Variants in S100B observed in about 807,000 individuals in gnomAD.
S100B encodes the protein S100 calcium binding protein B.
A neutral mutation model predicts 7.7 loss-of-function variants in S100B; 6 were observed. That is an observed-to-expected ratio of 0.78 (90% CI 0.43 to 1.54). The LOEUF (loss-of-function observed/expected upper bound fraction) is 1.54. S100B is among the 40% of genes most tolerant of loss of function. S100B has a pLI of 0.01. For missense variants in S100B, 99 were observed against 111.8 expected, an observed-to-expected ratio of 0.89 and a Z score of 0.52; for synonymous variants, 36 against 40.4, an observed-to-expected ratio of 0.89 and a Z score of 0.41.
rs1349794639 is a variant in S100B at position 46,602,380 on chromosome 21, G to A, written c.36C>T (p.Ile12=). 2.5e-5 allele frequency: 41 copies of A among 1,613,988 alleles called. No homozygotes were observed. The highest frequency in any genetic ancestry group is 1.6e-4 in the Middle Eastern group (1 of 6,082). ...TTCCAGAATATTGGTGGAAAACGTC[G>A]ATGAGGGCCACCATGGCCTTCTCCA... ...SELEKAMVAL[I]DVFHQYSGRE... is the part of the protein sequence containing the mutation. The change falls in exon 2 of 3, where the codon ATC becomes ATT. Residue 12 remains isoleucine, a synonymous_variant. Transcript: ENST00000291700.
chr21:46,601,227 C>A (rs996280954), intron 2 of S100B, among the ~76,000 whole-genome samples: 1 of 152,212 alleles, frequency 6.6e-6, no homozygotes, highest in Non-Finnish European at 1.5e-5. Context: ...CGTCCCCATG[C>A]AGCAGAGCCC....
chr21:46,601,982 G>A (rs2061042489), intron 2 of S100B, among the ~76,000 whole-genome samples: 1 of 152,134 alleles, frequency 6.6e-6, no homozygotes, highest in African/African-American at 2.4e-5. Flanking sequence ...TTCCTTTTAT[G>A]TTCCCTTTGG....
intron 2 of S100B, among the ~76,000 whole-genome samples, chr21:46,600,103 C>T (rs1053931526): frequency 6.6e-6 from 1 of 152,186 alleles, no homozygotes; most frequent in African/African-American, 2.4e-5. Flanking sequence ...AGAGGAACAA[C>T]CACAGTGCAG....
Position 46,598,661 on chromosome 21 carries a change from G to A in S100B, c.*702C>T, listed in dbSNP as rs1423422619. Among the ~76,000 whole-genome samples the A allele has an allele frequency of 6.6e-6, 1 of 152,224 alleles. No homozygotes were observed. The highest frequency in any genetic ancestry group is 1.9e-4 in the East Asian group (1 of 5,180). Reference sequence around the variant, plus strand: ...CCCTCGCGGTGGCTCAGAGCCCCCGGTAGTGCCCTCGGAAGCCGCATGTGC... The same window carrying A: ...CCCTCGCGGTGGCTCAGAGCCCCCGATAGTGCCCTCGGAAGCCGCATGTGC... On this transcript the variant is annotated 3_prime_UTR_variant, in exon 3 of 3. Coordinates refer to ENST00000291700, the MANE Select transcript of S100B (RefSeq NM_006272.3).
At chr21:46,603,398 T>TGGGGGGAGGGGGGGGGGGGG in intron 1 of S100B, among the ~76,000 whole-genome samples, 1 of 52,068 alleles carries the variant, frequency 1.9e-5, no homozygotes, top group Non-Finnish European at 3.8e-5. Context: ...CGGGAGGGGG[T>TGGGGGGAGGGGGGGGGGGGG]GGGGGCAGGA....
chr21:46,602,143 A>C (rs2061042882), intron 2 of S100B, 135 bp downstream of exon 2: 1 of 779,824 alleles, frequency 1.3e-6, no homozygotes, highest in Non-Finnish European at 2.0e-6. Context: ...TACTCAAACA[A>C]GTTTGCAGAA....
Position 46,599,282 on chromosome 21 carries a change from C to T in S100B, c.*81G>A. 1 of 1,294,646 alleles carries T rather than the reference C, an allele frequency of 7.7e-7. No individual in the cohort carries two copies. The highest frequency in any genetic ancestry group is 1.1e-6 in the Non-Finnish European group (1 of 916,674). The allele number at this position is 1,294,646 out of a possible 1,614,324, so 80.2% of individuals were successfully genotyped here. On this transcript the variant is annotated 3_prime_UTR_variant, in exon 3 of 3. Coordinates refer to ENST00000291700, the MANE Select transcript of S100B (RefSeq NM_006272.3). ...TACAACACGGCTGGAAAGCTCAGCT[C>T]CTACTAGGCTGCAAGCCCTTGCTGT... is the stretch of plus-strand genomic sequence containing the variant.
At chr21:46,603,398 T>TGGGGGGAGGGGGGGGCGGGGGGGGGGTGG in intron 1 of S100B, among the ~76,000 whole-genome samples, 1 of 52,070 alleles carries the variant, frequency 1.9e-5, no homozygotes, top group Admixed American at 2.2e-4. Context: ...CGGGAGGGGG[T>TGGGGGGAGGGGGGGGCGGGGGGGGGGTGG]GGGGGCAGGA....
chr21:46,599,944 C>T (rs1039468983), intron 2 of S100B, among the ~76,000 whole-genome samples: 7 of 152,184 alleles, frequency 4.6e-5, no homozygotes, highest in Middle Eastern at 3.2e-3. Flanking sequence ...GCTGAAGTAA[C>T]TCTTGGGAAC....
chr21:46,603,770 AT>A (rs958507106), intron 1 of S100B, among the ~76,000 whole-genome samples: 1 of 152,166 alleles, frequency 6.6e-6, no homozygotes, highest in Non-Finnish European at 1.5e-5. Flanking sequence ...AGGATTGAAG[AT>A]TTTTTTATAC....
At chr21:46,604,113 A>G (rs2061050803) in intron 1 of S100B, among the ~76,000 whole-genome samples, 1 of 152,244 alleles carries the variant, frequency 6.6e-6, no homozygotes, top group Non-Finnish European at 1.5e-5. Context: ...TAAAACATGT[A>G]TCCCATATAT....
chr21:46,602,300 T>C lies in S100B; in HGVS notation c.116A>G (p.Asn39Ser). 1.2e-6 allele frequency: 2 copies of C among 1,613,512 alleles called. No homozygotes were observed. Among genetic ancestry groups the C allele is most frequent in the Non-Finnish European group, 8.5e-7 (1 of 1,179,618 alleles). Residue 39 changes from asparagine (N) to serine (S), a missense_variant, in exon 2 of 3, where the codon AAT becomes AGT. Asn to Ser is a conservative substitution (Grantham distance 46, BLOSUM62 1). Transcript: ENST00000291700. ...KKSELKELIN[N>S]ELSHFLEEIK... ...CACCTCTAAGAAATGGGAAAGCTCA[T>C]TGTTGATGAGCTCCTTCAGTTCGGA...
rs2061032423 is a variant in S100B at position 46,598,606 on chromosome 21, C to G, written c.*757G>C. 2.6e-5 allele frequency among the ~76,000 whole-genome samples: 4 copies of G among 152,374 alleles called. No individual in the cohort carries two copies. In the South Asian group the frequency reaches 8.3e-4, roughly 32 times the overall value. Reference sequence around the variant, plus strand: ...CTTGTGATCCACCTGCCTCGGCCTCCCAAGCTGCGCTCTTTTTATTGAACG... The same window carrying G: ...CTTGTGATCCACCTGCCTCGGCCTCGCAAGCTGCGCTCTTTTTATTGAACG... On this transcript the variant is annotated 3_prime_UTR_variant, in exon 3 of 3. Transcript: ENST00000291700.
At position 46,598,887 on chromosome 21, in the gene S100B, G is replaced by A. The variant is rs9983317; in HGVS notation, c.*476C>T. On this transcript the variant is annotated 3_prime_UTR_variant, in exon 3 of 3. Transcript: ENST00000291700. ...AGGCCGAAGCCACCACGCCCTTGCA[G>A]GGCCACACCGGCCAACCAGCTGTTA... is the stretch of plus-strand genomic sequence containing the variant. 0.06 allele frequency: 9,317 copies of A among 155,498 alleles called. 764 individuals are homozygous for A. Among genetic ancestry groups the A allele is most frequent in the African/African-American group, 0.19 (7,791 of 41,612 alleles). The allele number at this position is 155,498 out of a possible 1,614,324, so 9.6% of individuals were successfully genotyped here. A position where few individuals can be genotyped will look rare whatever the true frequency, so the allele number is the denominator to read the frequency against.
chr21:46,603,392 A>AGGGGGTGGGGGGAG (rs796474856), intron 1 of S100B, among the ~76,000 whole-genome samples: 3 of 38,230 alleles, frequency 7.8e-5, no homozygotes, highest in South Asian at 1.5e-3. Context: ...GGACGGCGGG[A>AGGGGGTGGGGGGAG]GGGGGTGGGG....
intron 1 of S100B, among the ~76,000 whole-genome samples, chr21:46,603,737 AT>A (rs1442398518): frequency 6.6e-6 from 1 of 152,248 alleles, no homozygotes; most frequent in Non-Finnish European, 1.5e-5. Flanking sequence ...TATTTTATTT[AT>A]TTCTGATCCT....
chr21:46,604,788 C>A (rs2061052823), intron 1 of S100B, among the ~76,000 whole-genome samples: 1 of 152,158 alleles, frequency 6.6e-6, no homozygotes, highest in Non-Finnish European at 1.5e-5. Flanking sequence ...TGATTTATGG[C>A]AAAACACACC....
intron 2 of S100B, among the ~76,000 whole-genome samples, chr21:46,600,928 G>A (rs2061039619): frequency 6.6e-6 from 1 of 152,206 alleles, no homozygotes; most frequent in South Asian, 2.1e-4. Flanking sequence ...GGCAAGATTG[G>A]TGGAACTAGA....
At position 46,602,307 on chromosome 21, in the gene S100B, T is replaced by C; in HGVS notation, c.109A>G (p.Ile37Val). 6.2e-7 allele frequency: 1 copy of C among 1,609,752 alleles called. No homozygotes were observed. Among genetic ancestry groups the C allele is most frequent in the Non-Finnish European group, 8.5e-7 (1 of 1,176,068 alleles). ...KLKKSELKEL[I>V]NNELSHFLEE... Reference sequence around the variant, plus strand: ...AAGAAATGGGAAAGCTCATTGTTGATGAGCTCCTTCAGTTCGGATTTCTTC... The same window carrying C: ...AAGAAATGGGAAAGCTCATTGTTGACGAGCTCCTTCAGTTCGGATTTCTTC... The change falls in exon 2 of 3, where the codon ATC (isoleucine) becomes GTC (valine). Residue 37 changes from isoleucine to valine, a missense_variant. By Grantham distance (29) the Ile-to-Val change is conservative. Transcript: ENST00000291700.
Sources: gnomAD v4.1 joint callset for allele counts (sites outside exome capture counted in the v4.1 genomes callset) on GRCh38, gnomAD v4.1.1 for gene constraint, MANE v1.5 for transcripts, NCBI Gene and HGNC (gene_info 2026-07-23, HGNC 2026-07-21) for gene names.